DIP2C: variants seen among roughly 807,000 people sequenced by gnomAD.
DIP2C encodes the protein disco-interacting protein 2 homolog C.
Under a neutral mutation model 192.4 loss-of-function variants are expected in DIP2C, and 33 were observed. The observed-to-expected ratio is 0.17, with a 90% confidence interval of 0.13 to 0.23. The LOEUF is 0.23. DIP2C is among the 10% of genes least tolerant of loss of function. The probability of loss-of-function intolerance (pLI) is 1.00; values close to 1 mark genes in which losing one functional copy is unlikely to be tolerated. For missense variants in DIP2C, 1,537 were observed against 2,110.1 expected, an observed-to-expected ratio of 0.73 and a Z score of 5.32; for synonymous variants, 979 against 864.1, an observed-to-expected ratio of 1.13 and a Z score of -2.33.
At chr10:519,405 A>G (rs1263463779) in intron 1 of DIP2C, among the ~76,000 whole-genome samples, 1 of 152,216 alleles carries the variant, frequency 6.6e-6, no homozygotes, top group Non-Finnish European at 1.5e-5. Flanking sequence ...TTCTGAACTC[A>G]TTCAATCGCT....
At position 277,244 on chromosome 10, in the gene DIP2C, G is replaced by C; in HGVS notation, c.*81C>G. 2 of 1,558,890 alleles carry C rather than the reference G, an allele frequency of 1.3e-6. No homozygotes were observed. Among genetic ancestry groups the C allele is most frequent in the Non-Finnish European group, 1.7e-6 (2 of 1,153,714 alleles). On this transcript the variant is annotated 3_prime_UTR_variant, in exon 37 of 37. Transcript: ENST00000280886. ...AAATGGCTGTATTCTGGTGAGTGTT[G>C]CCCTGTGTCTGCACGCTTCAGTGGA... is the stretch of plus-strand genomic sequence containing the variant.
chr10:404,212 T>A (rs1054355802), intron 9 of DIP2C, among the ~76,000 whole-genome samples: 1 of 26,538 alleles, frequency 3.8e-5, no homozygotes, highest in Non-Finnish European at 7.3e-5. Context: ...CATTCTGGAT[T>A]TTTTTTTTTT....
At chr10:495,209 A>G (rs927910095) in intron 1 of DIP2C, among the ~76,000 whole-genome samples, 8 of 152,232 alleles carry the variant, frequency 5.3e-5, no homozygotes, top group Non-Finnish European at 1.0e-4. Context: ...AATAGGGGTT[A>G]GCAGGGACTG....
chr10:357,711 C>T (rs188303307), intron 23 of DIP2C, 117 bp downstream of exon 23: 24 of 732,102 alleles, frequency 3.3e-5, no homozygotes, highest in South Asian at 2.4e-4. Context: ...CAGACACTGT[C>T]GCGGACTGTC....
chr10:568,756 A>G (rs935727202), intron 1 of DIP2C, among the ~76,000 whole-genome samples: 1 of 111,066 alleles, frequency 9.0e-6, no homozygotes, highest in Non-Finnish European at 1.7e-5. Flanking sequence ...ACAGAGGGAA[A>G]CTCCGTCTCA....
chr10:606,105 T>C (rs1429293611), intron 1 of DIP2C, among the ~76,000 whole-genome samples: 3 of 152,166 alleles, frequency 2.0e-5, no homozygotes, highest in Admixed American at 6.5e-5. Flanking sequence ...GCACCAAAGA[T>C]ACAGAAACCC....
intron 34 of DIP2C, among the ~76,000 whole-genome samples, chr10:285,171 A>AC (rs946576388): frequency 8.7e-5 from 13 of 150,180 alleles, no homozygotes; most frequent in Admixed American, 4.7e-4. Context: ...AAAAAAAAAA[A>AC]CACAAGGCCC....
intron 4 of DIP2C, among the ~76,000 whole-genome samples, chr10:435,870 G>A (rs994614360): frequency 1.3e-5 from 2 of 152,050 alleles, no homozygotes. Context: ...TAAAAACTCT[G>A]TCTTTTGCTG....
At chr10:601,833 T>A (rs1438751558) in intron 1 of DIP2C, among the ~76,000 whole-genome samples, 1 of 152,066 alleles carries the variant, frequency 6.6e-6, no homozygotes, top group East Asian at 1.9e-4. Context: ...GGATCAGAGG[T>A]TTCCTCAGAG....
intron 17 of DIP2C, among the ~76,000 whole-genome samples, chr10:376,911 GAC>G (rs1961668265): frequency 6.6e-6 from 1 of 152,180 alleles, no homozygotes; most frequent in South Asian, 2.1e-4. Flanking sequence ...TGTTTAGCGT[GAC>G]ACAGACTTTC....
intron 34 of DIP2C, among the ~76,000 whole-genome samples, chr10:284,672 C>T (rs145571908): frequency 1.8e-4 from 27 of 152,050 alleles, no homozygotes; most frequent in African/African-American, 6.0e-4. Flanking sequence ...AAATGTAGTG[C>T]GGTGACTACA....
In DIP2C at chr10:308,948, T is replaced by C. The variant is rs531025630; in HGVS notation, c.3986+1083A>G. Among the ~76,000 whole-genome samples, 97 of 152,344 alleles carry C rather than the reference T, an allele frequency of 6.4e-4. 1 individual carries two copies. Among genetic ancestry groups the C allele is most frequent in the African/African-American group, 2.3e-3 (94 of 41,592 alleles). ...CCCCACCAGATGCCAGCTGAGCCAC[T>C]GCCCAACTTGTGCTGATCGAAAATG... On this transcript the variant is annotated intron_variant, in intron 32 of 36. Coordinates refer to ENST00000280886, the MANE Select transcript of DIP2C (RefSeq NM_014974.3).
At chr10:378,377 A>G (rs1213698990) in intron 17 of DIP2C, among the ~76,000 whole-genome samples, 2 of 152,200 alleles carry the variant, frequency 1.3e-5, no homozygotes, top group African/African-American at 4.8e-5. Flanking sequence ...CAACACAAAC[A>G]CGAAAACAGG....
At chr10:682,825 C>T (rs1831180659) in intron 1 of DIP2C, among the ~76,000 whole-genome samples, 1 of 151,788 alleles carries the variant, frequency 6.6e-6, no homozygotes, top group African/African-American at 2.4e-5. Context: ...AGTTTGGGTC[C>T]GGCCCACAGT....
intron 1 of DIP2C, among the ~76,000 whole-genome samples, chr10:623,424 A>G (rs1036042235): frequency 6.8e-5 from 10 of 146,584 alleles, no homozygotes; most frequent in African/African-American, 2.3e-4. Context: ...GGACGGGTGC[A>G]GAGAAGGGGA....
At chr10:373,593 TGTGCTAAAGG>T (rs1326874354) in intron 17 of DIP2C, among the ~76,000 whole-genome samples, 33 of 152,146 alleles carry the variant, frequency 2.2e-4, no homozygotes, top group Non-Finnish European at 1.0e-4. Flanking sequence ...CACCAAGCTC[TGTGCTAAAGG>T]GTGGAAGGCT....
In DIP2C at chr10:507,057, A is replaced by G. The variant is rs377591266; in HGVS notation, c.86-20527T>C. ...CGGACCCGGTCACCCATTGTGCACG[A>G]TAAGAGGTGTGAGGTCACAGACCCG... is the stretch of plus-strand genomic sequence containing the variant. On this transcript the variant is annotated intron_variant, in intron 1 of 36. Transcript: ENST00000280886. 2.2e-4 allele frequency among the ~76,000 whole-genome samples: 34 copies of G among 151,830 alleles called. No homozygotes were observed. In the South Asian group the frequency reaches 2.3e-3, roughly 10 times the overall value.
At chr10:601,622 C>T (rs1852079211) in intron 1 of DIP2C, among the ~76,000 whole-genome samples, 1 of 152,236 alleles carries the variant, frequency 6.6e-6, no homozygotes, top group Non-Finnish European at 1.5e-5. Context: ...CCTAACTGTC[C>T]TCTGTGGAAG....
At chr10:295,619 A>G (rs12761377) in intron 32 of DIP2C, among the ~76,000 whole-genome samples, 2 of 143,584 alleles carry the variant, frequency 1.4e-5, no homozygotes, top group African/African-American at 5.2e-5. Flanking sequence ...AAAAAAAAAA[A>G]GAAGGCTATT....
Sources: gnomAD v4.1 joint callset for allele counts (sites outside exome capture counted in the v4.1 genomes callset) on GRCh38, gnomAD v4.1.1 for gene constraint, MANE v1.5 for transcripts, NCBI Gene and HGNC (gene_info 2026-07-23, HGNC 2026-07-21) for gene names.